The following ADAMTSL3 variants were observed in gnomAD, a reference collection of about 807,000 sequenced individuals.
ADAMTSL3 encodes the protein ADAMTS-like protein 3.
Under a neutral mutation model 201.7 loss-of-function variants are expected in ADAMTSL3, and 128 were observed. The observed-to-expected ratio is 0.63, with a 90% CI of 0.55 to 0.73. The LOEUF (loss-of-function observed/expected upper bound fraction) is 0.73, where lower values mean the gene tolerates loss of function less well. Ranked by LOEUF, ADAMTSL3 falls within the 30% of genes least tolerant of loss-of-function variation. The probability of loss-of-function intolerance (pLI) is 0.00; values close to 1 mark genes in which losing one functional copy is unlikely to be tolerated. For synonymous variants in ADAMTSL3, 738 were observed against 748.4 expected, an observed-to-expected ratio of 0.99 and a Z score of 0.23; for missense variants, 1,990 against 2,119.6, an observed-to-expected ratio of 0.94 and a Z score of 1.20.
intron 17 of ADAMTSL3, among the ~76,000 whole-genome samples, chr15:83,936,963 T>TA (rs2066470701): frequency 6.6e-6 from 1 of 150,924 alleles, no homozygotes; most frequent in African/African-American, 2.5e-5. Context: ...CATAGCGAGA[T>TA]ACCATCTCTC....
chr15:83,873,802 G>C (rs1032839933), intron 9 of ADAMTSL3, among the ~76,000 whole-genome samples: 1 of 146,024 alleles, frequency 6.8e-6, no homozygotes, highest in Non-Finnish European at 1.5e-5. Flanking sequence ...CAGCAGAGCT[G>C]TTTGCCCTGC....
intron 3 of ADAMTSL3, among the ~76,000 whole-genome samples, chr15:83,770,992 A>T (rs1391686795): frequency 6.6e-6 from 1 of 152,006 alleles, no homozygotes; most frequent in Non-Finnish European, 1.5e-5. Context: ...GCTTGAACCC[A>T]CCCAGGAGGT....
At chr15:83,723,960 A>G (rs368609006) in intron 3 of ADAMTSL3, among the ~76,000 whole-genome samples, 3 of 152,234 alleles carry the variant, frequency 2.0e-5, no homozygotes, top group East Asian at 3.9e-4. Flanking sequence ...GTTGGTGGCA[A>G]TTTTAATACA....
At chr15:83,792,654 A>G (rs2063361784) in intron 4 of ADAMTSL3, among the ~76,000 whole-genome samples, 1 of 152,118 alleles carries the variant, frequency 6.6e-6, no homozygotes, top group South Asian at 2.1e-4. Flanking sequence ...ATGGTGGCAC[A>G]TGCCTGTAAT....
intron 3 of ADAMTSL3, among the ~76,000 whole-genome samples, chr15:83,759,735 C>T (rs2062778811): frequency 6.6e-6 from 1 of 152,148 alleles, no homozygotes; most frequent in Admixed American, 6.5e-5. Context: ...TATCCTGTGG[C>T]AGCTCTGGAG....
At chr15:83,815,503 A>C (rs554720682) in intron 5 of ADAMTSL3, among the ~76,000 whole-genome samples, 1 of 152,214 alleles carries the variant, frequency 6.6e-6, no homozygotes, top group Non-Finnish European at 1.5e-5. Flanking sequence ...CTGATAGGAA[A>C]AAAATGCTTC....
intron 3 of ADAMTSL3, among the ~76,000 whole-genome samples, chr15:83,705,733 G>C (rs1283253483): frequency 2.0e-5 from 3 of 152,162 alleles, no homozygotes; most frequent in Non-Finnish European, 4.4e-5. Context: ...CCTTGAGGCT[G>C]CTGCTCAGTG....
chr15:83,941,249 AT>A (rs1384065454), intron 17 of ADAMTSL3, among the ~76,000 whole-genome samples: 1 of 151,792 alleles, frequency 6.6e-6, no homozygotes, highest in Non-Finnish European at 1.5e-5. Flanking sequence ...ACTACTTTTC[AT>A]TTTATTTTTA....
Position 83,913,317 on chromosome 15 carries a change from T to C in ADAMTSL3, c.1926T>C (p.Ser642=). The C allele has an allele frequency of 6.2e-7, 1 of 1,613,770 alleles. No individual in the cohort carries two copies. The highest frequency in any genetic ancestry group is 8.5e-7 in the Non-Finnish European group (1 of 1,179,970). Residue 642 remains serine, a synonymous_variant, in exon 16 of 30, where the codon AGT becomes AGC. Coordinates refer to ENST00000286744, the MANE Select transcript of ADAMTSL3 (RefSeq NM_207517.3). The stretch of plus-strand genomic sequence containing the variant: ...TAGACATCCCTCTCCCTGAGGACAG[T>C]GAGACGACTTACGACTGGGAGTACG... ...RELDIPLPED[S]ETTYDWEYAG...
At chr15:83,751,308 A>G (rs2062633386) in intron 3 of ADAMTSL3, among the ~76,000 whole-genome samples, 1 of 152,240 alleles carries the variant, frequency 6.6e-6, no homozygotes, top group African/African-American at 2.4e-5. Flanking sequence ...GGACAAAAAG[A>G]AAAACCAATA....
rs138990173 is a variant in ADAMTSL3 at position 83,814,980 on chromosome 15, G to A, written c.364-4831G>A. Among the ~76,000 whole-genome samples the A allele has an allele frequency of 7.0e-3, 1,066 of 152,270 alleles. 8 individuals are homozygous for A. Among genetic ancestry groups the A allele is most frequent in the Non-Finnish European group, 0.012 (786 of 68,022 alleles). Reference sequence around the variant, plus strand: ...TATCCCCATGGTTTTAGGAGGGGAAGGAGACCTTGTTTTCAAGATGGTTTG... The same window carrying A: ...TATCCCCATGGTTTTAGGAGGGGAAAGAGACCTTGTTTTCAAGATGGTTTG... On this transcript the variant is annotated intron_variant, in intron 5 of 29. Coordinates refer to ENST00000286744, the MANE Select transcript of ADAMTSL3 (RefSeq NM_207517.3).
intron 3 of ADAMTSL3, among the ~76,000 whole-genome samples, chr15:83,761,314 T>C (rs979155475): frequency 6.6e-6 from 1 of 152,206 alleles, no homozygotes; most frequent in African/African-American, 2.4e-5. Flanking sequence ...CATATAAATA[T>C]TTAAAACTCC....
intron 21 of ADAMTSL3, among the ~76,000 whole-genome samples, chr15:83,984,490 A>C (rs992449647): frequency 3.9e-5 from 6 of 152,246 alleles, no homozygotes; most frequent in African/African-American, 1.2e-4. Flanking sequence ...TTTTAGAAGT[A>C]GAATAAACCT....
chr15:84,037,802 GATA>G lies in ADAMTSL3; in HGVS notation c.5074_5076del (p.Ter1692delextTer9). The G allele has an allele frequency of 6.2e-7, 1 of 1,612,372 alleles. No homozygotes were observed. Among genetic ancestry groups the G allele is most frequent in the Non-Finnish European group, 8.5e-7 (1 of 1,179,668 alleles). ...AGGTGCTGCCAGTCATGTCAAGAGG[GATA>G]AACCTTTGGAGGGGTCATGATGCTG... is the stretch of plus-strand genomic sequence containing the variant. On this transcript the variant is annotated stop_lost and inframe_deletion, in exon 30 of 30. Transcript: ENST00000286744.
At chr15:83,697,484 T>C (rs1596045381) in intron 2 of ADAMTSL3, among the ~76,000 whole-genome samples, 2 of 152,202 alleles carry the variant, frequency 1.3e-5, no homozygotes. Context: ...TTATCACTTA[T>C]ACTTCTGACA....
chr15:83,891,453 C>A, intron 12 of ADAMTSL3, 74 bp downstream of exon 12: 1 of 1,256,802 alleles, frequency 8.0e-7, no homozygotes, highest in South Asian at 1.2e-5. Context: ...GTAGCAATAG[C>A]CTAAAATGTA....
At chr15:83,794,957 A>G (rs988331124) in intron 4 of ADAMTSL3, among the ~76,000 whole-genome samples, 1 of 152,030 alleles carries the variant, frequency 6.6e-6, no homozygotes, top group Non-Finnish European at 1.5e-5. Context: ...TATTCAAGCA[A>G]TTCTCCCACC....
chr15:83,872,880 C>CGTATAT (rs1212294311), intron 9 of ADAMTSL3, among the ~76,000 whole-genome samples: 2 of 145,158 alleles, frequency 1.4e-5, no homozygotes, highest in South Asian at 4.3e-4. Flanking sequence ...TGTACACACA[C>CGTATAT]GTATATGTAT....
chr15:83,981,361 C>G (rs959025547), intron 20 of ADAMTSL3, among the ~76,000 whole-genome samples: 3 of 152,264 alleles, frequency 2.0e-5, no homozygotes, highest in Non-Finnish European at 4.4e-5. Context: ...TCTGTTCCCT[C>G]TTAGTCTTCC....
Sources: gnomAD v4.1 joint callset for allele counts (sites outside exome capture counted in the v4.1 genomes callset) on GRCh38, gnomAD v4.1.1 for gene constraint, MANE v1.5 for transcripts, NCBI Gene and HGNC (gene_info 2026-07-23, HGNC 2026-07-21) for gene names.